Variants in GLB1 observed in about 807,000 individuals in gnomAD.
The protein encoded by GLB1 is beta-galactosidase.
GLB1 carries 56 observed loss-of-function variants against 74.0 expected under a neutral mutation model. The ratio of observed to expected loss-of-function variants is 0.76; its 90% CI spans 0.61 to 0.94. GLB1 has a LOEUF of 0.94. Ranked by LOEUF, GLB1 falls within the 40% of genes least tolerant of loss-of-function variation. GLB1 has a pLI of 0.00. For missense variants in GLB1, 787 were observed against 845.5 expected, an observed-to-expected ratio of 0.93 and a Z score of 0.86; for synonymous variants, 323 against 323.6, an observed-to-expected ratio of 1.00 and a Z score of 0.02.
chr3:32,984,874 G>A, the GLB1 span, among the ~76,000 whole-genome samples: 19 of 151,806 alleles, frequency 1.3e-4, no homozygotes, highest in South Asian at 2.1e-4. Context: ...CCTGGGAGGC[G>A]GAGGTTGTGG....
intron 14 of GLB1, among the ~76,000 whole-genome samples, chr3:33,015,868 G>A (rs762087557): frequency 3.9e-5 from 6 of 152,204 alleles, no homozygotes; most frequent in Admixed American, 1.3e-4. Context: ...CCCTTGATAA[G>A]GCATTCTCTC....
chr3:32,961,852 T>G, the GLB1 span, among the ~76,000 whole-genome samples: 1 of 152,108 alleles, frequency 6.6e-6, no homozygotes, highest in Non-Finnish European at 1.5e-5. Flanking sequence ...GATCACCACT[T>G]CTATATAACA....
intron 15 of GLB1, among the ~76,000 whole-genome samples, chr3:32,999,278 C>T (rs1240457145): frequency 1.3e-5 from 2 of 152,166 alleles, no homozygotes; most frequent in East Asian, 3.8e-4. Flanking sequence ...TTTTTATCAG[C>T]TTAAAATCTG....
At chr3:33,094,083 C>G (rs762217240) in intron 1 of GLB1, 20 of 1,614,146 alleles carry the variant, frequency 1.2e-5, no homozygotes, top group Admixed American at 5.0e-5. Flanking sequence ...ACGCCAGGCC[C>G]TGAGCTCAAG....
chr3:33,095,345 G>A (rs368825419), intron 1 of GLB1, among the ~76,000 whole-genome samples: 16 of 151,506 alleles, frequency 1.1e-4, no homozygotes, highest in Middle Eastern at 3.4e-3. Context: ...GTGAAACCCC[G>A]TCTCTACTAA....
intron 1 of GLB1, among the ~76,000 whole-genome samples, chr3:33,085,605 A>T (rs574365987): frequency 6.6e-6 from 1 of 152,106 alleles, no homozygotes; most frequent in South Asian, 2.1e-4. Context: ...ATCTGCAAAC[A>T]TTTCCCACTA....
intron 10 of GLB1, among the ~76,000 whole-genome samples, chr3:33,041,459 C>G (rs1698495933): frequency 6.6e-6 from 1 of 152,028 alleles, no homozygotes; most frequent in Non-Finnish European, 1.5e-5. Context: ...GTCAGAAGTT[C>G]AAGACCAGCC....
chr3:33,010,376 T>C (rs1360153228), intron 15 of GLB1, among the ~76,000 whole-genome samples: 1 of 152,236 alleles, frequency 6.6e-6, no homozygotes, highest in Admixed American at 6.5e-5. Flanking sequence ...TTTTAGTTTA[T>C]AATAGACATT....
the GLB1 span, among the ~76,000 whole-genome samples, chr3:32,968,013 G>A: frequency 2.0e-5 from 3 of 152,318 alleles, no homozygotes; most frequent in South Asian, 2.1e-4. Context: ...GGCTGAGGGC[G>A]GCAGGAGTGG....
chr3:32,970,322 G>A, the GLB1 span, among the ~76,000 whole-genome samples: 1 of 152,192 alleles, frequency 6.6e-6, no homozygotes, highest in Non-Finnish European at 1.5e-5. Context: ...CTCCGAGTCA[G>A]GTGCACCCCC....
chr3:33,034,867 G>T, intron 10 of GLB1: 1 of 496,578 alleles, frequency 2.0e-6, no homozygotes, highest in South Asian at 1.6e-5. Context: ...CATCTAATCT[G>T]CCTTAACATG....
At position 33,072,307 on chromosome 3, in the gene GLB1, T is replaced by C. The variant is rs1467037513; in HGVS notation, c.245+237A>G. 3.3e-5 allele frequency among the ~76,000 whole-genome samples: 5 copies of C among 152,176 alleles called. No individual in the cohort carries two copies. The East Asian group carries it at 9.6e-4, about 29-fold the overall frequency. ...TACTTCTGTTTGCTTCCCCCATCCT[T>C]TTCCTTTTTAAGCTATTTATTTAAT... is the stretch of plus-strand genomic sequence containing the variant. On this transcript the variant is annotated intron_variant, in intron 2 of 15. Transcript: ENST00000307363.
intron 10 of GLB1, among the ~76,000 whole-genome samples, chr3:33,025,336 A>G (rs1697695853): frequency 6.6e-6 from 1 of 152,200 alleles, no homozygotes; most frequent in Non-Finnish European, 1.5e-5. Context: ...TAAATGTTAA[A>G]TATTATATCT....
At chr3:33,021,454 T>C in intron 12 of GLB1, 112 bp downstream of exon 12, 2 of 1,105,978 alleles carry the variant, frequency 1.8e-6, no homozygotes, top group South Asian at 1.3e-5. Flanking sequence ...TGGGATCTGA[T>C]GCATTTGCTT....
intron 15 of GLB1, among the ~76,000 whole-genome samples, chr3:33,000,943 T>C (rs2125447020): frequency 6.6e-6 from 1 of 152,252 alleles, no homozygotes; most frequent in East Asian, 1.9e-4. Context: ...CTCTTGACTT[T>C]ATTAACTCTA....
chr3:32,965,152 G>T, the GLB1 span, among the ~76,000 whole-genome samples: 5 of 152,162 alleles, frequency 3.3e-5, no homozygotes, highest in Non-Finnish European at 7.4e-5. Context: ...AGGTAGTGGA[G>T]CACTGCTGTA....
At position 33,053,563 on chromosome 3, in the gene GLB1, G is replaced by C. The variant is rs758074888; in HGVS notation, c.734-14C>G. On this transcript the variant is annotated splice_polypyrimidine_tract_variant and intron_variant, in intron 6 of 15. Coordinates refer to ENST00000307363, the MANE Select transcript of GLB1 (RefSeq NM_000404.4). ...TGATGTTGCTGCCTGAAAATTGTAA[G>C]AGGGAGAAGGTAGGTCAGTCGTGGA... 3 of 1,614,066 alleles carry C rather than the reference G, an allele frequency of 1.9e-6. No individual in the cohort carries two copies. The African/African-American group carries it at 4.0e-5, about 22-fold the overall frequency.
chr3:33,059,606 A>AAGAAAAGC (rs1447422944), intron 5 of GLB1, among the ~76,000 whole-genome samples: 5 of 152,194 alleles, frequency 3.3e-5, no homozygotes, highest in South Asian at 2.1e-4. Flanking sequence ...TAAAAGTATA[A>AAGAAAAGC]AGAAAAGCAG....
the GLB1 span, among the ~76,000 whole-genome samples, chr3:32,985,512 G>A: frequency 1.3e-5 from 2 of 152,068 alleles, no homozygotes; most frequent in African/African-American, 2.4e-5. Context: ...GGCTGGTCTC[G>A]AACTCCAGAC....
Sources: allele counts gnomAD v4.1 joint callset (sites outside exome capture counted in the v4.1 genomes callset), GRCh38; gene constraint gnomAD v4.1.1; transcripts MANE v1.5; gene names NCBI Gene and HGNC (gene_info 2026-07-23, HGNC 2026-07-21).